PDZRN4: variants seen among roughly 807,000 people sequenced by gnomAD.
The protein encoded by PDZRN4 is PDZ domain containing ring finger 4.
PDZRN4 carries 70 observed loss-of-function variants against 99.0 expected under a neutral mutation model. The ratio of observed to expected loss-of-function variants is 0.71; its 90% CI spans 0.58 to 0.86. The LOEUF (loss-of-function observed/expected upper bound fraction) is 0.86. Ranked by LOEUF, PDZRN4 falls within the 40% of genes least tolerant of loss-of-function variation. PDZRN4 has a pLI of 0.00. For synonymous variants in PDZRN4, 551 were observed against 501.6 expected (o/e 1.10, Z -1.32); for missense variants, 1,474 against 1,331.2 (o/e 1.11, Z -1.67).
chr12:41,571,364 TCTCTCTCTCTCTCACACACA>T (rs1362467879), intron 9 of PDZRN4, among the ~76,000 whole-genome samples: 116 of 97,814 alleles, frequency 1.2e-3, no homozygotes, highest in African/African-American at 5.3e-3. Flanking sequence ...TCTCTCTCTC[TCTCTCTCTCTCTCACACACA>T]CACACACACA....
At chr12:41,216,171 TACA>T (rs1950919729) in intron 3 of PDZRN4, among the ~76,000 whole-genome samples, 1 of 152,008 alleles carries the variant, frequency 6.6e-6, no homozygotes, top group South Asian at 2.1e-4. Flanking sequence ...GTACAGTTAG[TACA>T]ACGAGTACAT....
chr12:41,378,485 A>G (rs563211777), intron 3 of PDZRN4, among the ~76,000 whole-genome samples: 170 of 148,214 alleles, frequency 1.1e-3, no homozygotes, highest in African/African-American at 3.9e-3. Flanking sequence ...TAATGGGCTC[A>G]TAAAATGAGT....
chr12:41,333,177 T>G (rs1951751183), intron 3 of PDZRN4, among the ~76,000 whole-genome samples: 1 of 152,092 alleles, frequency 6.6e-6, no homozygotes, highest in Non-Finnish European at 1.5e-5. Context: ...TTCACTGAGT[T>G]TCAGATTGCT....
intron 3 of PDZRN4, among the ~76,000 whole-genome samples, chr12:41,429,002 C>T (rs573609469): frequency 6.6e-5 from 10 of 152,118 alleles, no homozygotes; most frequent in East Asian, 1.9e-4. Flanking sequence ...ATATGGAGAA[C>T]GTGTGGAGAA....
chr12:41,496,490 A>T (rs1467717305), intron 3 of PDZRN4, among the ~76,000 whole-genome samples: 6 of 152,026 alleles, frequency 3.9e-5, no homozygotes. Flanking sequence ...GCTAGTCCCC[A>T]AAACTGTGTT....
At chr12:41,531,979 C>A (rs551899835) in intron 5 of PDZRN4, among the ~76,000 whole-genome samples, 1 of 151,902 alleles carries the variant, frequency 6.6e-6, no homozygotes, top group Non-Finnish European at 1.5e-5. Context: ...GTTCATGATT[C>A]TTCTATCTAG....
At chr12:41,384,753 C>A (rs1331654549) in intron 3 of PDZRN4, among the ~76,000 whole-genome samples, 1 of 152,124 alleles carries the variant, frequency 6.6e-6, no homozygotes, top group Non-Finnish European at 1.5e-5. Context: ...CATGCATCTC[C>A]TATTAACTCA....
chr12:41,544,191 A>G (rs561991325), intron 5 of PDZRN4, among the ~76,000 whole-genome samples: 1 of 152,352 alleles, frequency 6.6e-6, no homozygotes, highest in South Asian at 2.1e-4. Flanking sequence ...GTGAATAAGT[A>G]AAAACTGAAC....
At chr12:41,560,150 C>T (rs552279126) in intron 7 of PDZRN4, among the ~76,000 whole-genome samples, 2 of 152,102 alleles carry the variant, frequency 1.3e-5, no homozygotes, top group East Asian at 1.9e-4. Flanking sequence ...TGTCTCTAGA[C>T]TTTGATCACC....
At chr12:41,263,418 G>T (rs1237461511) in intron 3 of PDZRN4, among the ~76,000 whole-genome samples, 3 of 151,592 alleles carry the variant, frequency 2.0e-5, no homozygotes, top group African/African-American at 4.9e-5. Context: ...CCAGCATGGT[G>T]TTGCATGCCT....
chr12:41,246,737 A>C (rs11180454), intron 3 of PDZRN4, among the ~76,000 whole-genome samples: 1 of 151,908 alleles, frequency 6.6e-6, no homozygotes, highest in African/African-American at 2.4e-5. Flanking sequence ...AACAGCAAAT[A>C]TGAGTTCAAC....
intron 3 of PDZRN4, among the ~76,000 whole-genome samples, chr12:41,497,951 C>T (rs566779092): frequency 1.1e-4 from 17 of 151,962 alleles, no homozygotes; most frequent in Non-Finnish European, 1.6e-4. Context: ...CTATTTTTAA[C>T]TAATAATAAA....
At chr12:41,280,365 C>G (rs1565540390) in intron 3 of PDZRN4, among the ~76,000 whole-genome samples, 1 of 152,078 alleles carries the variant, frequency 6.6e-6, no homozygotes, top group East Asian at 1.9e-4. Context: ...GCAAGACAGA[C>G]CCGTTTACTC....
chr12:41,392,834 G>T (rs983194), intron 3 of PDZRN4, among the ~76,000 whole-genome samples: 4,187 of 152,232 alleles, frequency 0.028, 78 homozygotes, highest in Middle Eastern at 0.048. Flanking sequence ...CAAACCACAA[G>T]GCAAAGTAGC....
chr12:41,381,768 A>C (rs936438383), intron 3 of PDZRN4, among the ~76,000 whole-genome samples: 4 of 151,952 alleles, frequency 2.6e-5, no homozygotes, highest in Non-Finnish European at 4.4e-5. Flanking sequence ...AGCTTTATTA[A>C]TTTACTTAGT....
chr12:41,272,378 T>C (rs1277151907), intron 3 of PDZRN4, among the ~76,000 whole-genome samples: 3 of 152,188 alleles, frequency 2.0e-5, no homozygotes, highest in South Asian at 4.1e-4. Flanking sequence ...TTAAATGGAA[T>C]ATGTATGAAA....
intron 3 of PDZRN4, among the ~76,000 whole-genome samples, chr12:41,496,848 A>T (rs988452934): frequency 3.9e-5 from 6 of 152,182 alleles, no homozygotes; most frequent in Admixed American, 3.9e-4. Context: ...CTGAAACTAC[A>T]GCACTAAACA....
chr12:41,383,392 C>A (rs1387406808), intron 3 of PDZRN4, among the ~76,000 whole-genome samples: 2 of 152,068 alleles, frequency 1.3e-5, no homozygotes, highest in Non-Finnish European at 2.9e-5. Context: ...TTAAAGTTGT[C>A]AATAGAAATA....
intron 3 of PDZRN4, among the ~76,000 whole-genome samples, chr12:41,430,478 A>G (rs1429976170): frequency 6.6e-6 from 1 of 151,784 alleles, no homozygotes; most frequent in South Asian, 2.1e-4. Context: ...AAAAAAAAAA[A>G]AAGAAAGAAA....
Sources: allele counts gnomAD v4.1 joint callset (sites outside exome capture counted in the v4.1 genomes callset), GRCh38; gene constraint gnomAD v4.1.1; transcripts MANE v1.5; gene names NCBI Gene and HGNC (gene_info 2026-07-23, HGNC 2026-07-21).